The following MUC17 variants were observed in gnomAD, a reference collection of about 807,000 sequenced individuals.
MUC17 encodes the protein mucin-17.
A neutral mutation model predicts 170.3 loss-of-function variants in MUC17; 190 were observed. That is an observed-to-expected ratio of 1.12 (90% confidence interval 0.99 to 1.26). The LOEUF (loss-of-function observed/expected upper bound fraction) is 1.26. Among genes scored for constraint, MUC17 ranks in the 50% most tolerant of loss-of-function variants. The pLI is 0.00. For synonymous variants in MUC17, 2,325 were observed against 2,002.5 expected (o/e 1.16, Z -4.30); for missense variants, 6,415 against 5,530.0 (o/e 1.16, Z -5.08).
chr7:101,033,885 T>C lies in MUC17; in HGVS notation c.2469T>C (p.Ala823=). 6.2e-7 allele frequency: 1 copy of C among 1,613,544 alleles called. No individual in the cohort carries two copies. The highest frequency in any genetic ancestry group is 1.3e-5 in the African/African-American group (1 of 74,904). The change falls in exon 3 of 13, where the codon GCT becomes GCC. Residue 823 remains alanine (A), a synonymous_variant. Transcript: ENST00000306151. ...TCACACCGGTGACCAGTCCTGAGGC[T>C]AGCACCCTTTCAACAACTCCTGTTG... The part of the protein sequence containing the change: ...VSITPVTSPE[A]STLSTTPVDS...
intron 11 of MUC17, 61 bp from the exon 12 acceptor site, chr7:101,056,131 GGA>G: frequency 6.2e-7 from 1 of 1,607,950 alleles, no homozygotes. Context: ...GGGATTAAAG[GGA>G]GAGATGAAAG....
Position 101,042,994 on chromosome 7 carries a change from GA to G in MUC17, c.11580del (p.Val3861SerfsTer16). 6.2e-7 allele frequency: 1 copy of G among 1,614,072 alleles called. No homozygotes were observed. On this transcript the variant is annotated frameshift_variant, in exon 3 of 13. Transcript: ENST00000306151. LOFTEE classifies it high-confidence loss of function. ...AGCCGGTTCATTCTCCATACCTGCT[GA>G]AGTCACTACCATACGTATTTCAATT... The part of the protein sequence containing the change: ...TKAGSFSIPA[E>X]VTTIRISITS...
Position 101,043,497 on chromosome 7 carries a change from G to T in MUC17, c.12081G>T (p.Thr4027=), listed in dbSNP as rs776481661. The T allele has an allele frequency of 1.9e-6, 3 of 1,614,116 alleles. No individual in the cohort carries two copies. The highest frequency in any genetic ancestry group is 2.5e-6 in the Non-Finnish European group (3 of 1,180,020). The change falls in exon 3 of 13, where the codon ACG becomes ACT. Residue 4027 remains threonine (T), a synonymous_variant. Coordinates refer to ENST00000306151, the MANE Select transcript of MUC17 (RefSeq NM_001040105.2). ...TSRGCTTSAS[T]LSATSTPHTS... ...GAGGCTGCACTACTTCTGCATCAAC[G>T]CTTTCTGCAACCAGTACACCTCACA...
intron 11 of MUC17, among the ~76,000 whole-genome samples, chr7:101,054,335 G>T (rs906341509): frequency 1.3e-5 from 2 of 152,112 alleles, no homozygotes; most frequent in African/African-American, 4.8e-5. Flanking sequence ...CAGGGGAGTT[G>T]TACCTCAGTA....
In MUC17 at chr7:101,033,547, A is replaced by C. The variant is rs745736940; in HGVS notation, c.2131A>C (p.Thr711Pro). Residue 711 changes from threonine to proline, a missense_variant, in exon 3 of 13, where the codon ACT becomes CCT. Physicochemically the swap from Thr to Pro is conservative, Grantham distance 38. Coordinates refer to ENST00000306151, the MANE Select transcript of MUC17 (RefSeq NM_001040105.2). ...TTCTGAGGCTAGCACCCTTTCAACA[A>C]CTCCTGTTGACACCAGCACACCTGT... ...ASSEASTLST[T>P]PVDTSTPVTT... 1 of 1,613,822 alleles carries C rather than the reference A, an allele frequency of 6.2e-7. No homozygotes were observed. The highest frequency in any genetic ancestry group is 8.5e-7 in the Non-Finnish European group (1 of 1,179,938).
Position 101,040,139 on chromosome 7 carries a change from CT to C in MUC17, c.8725del (p.Ser2909LeufsTer18). The C allele has an allele frequency of 6.2e-7, 1 of 1,612,740 alleles. No homozygotes were observed. The highest frequency in any genetic ancestry group is 1.7e-5 in the Admixed American group (1 of 59,746). ...IPVTTSTEGS[S>X]SPTTAEGTSM... is the part of the protein sequence containing the mutation. ...GTCACCACTTCTACTGAAGGCAGTTCTTCTCCTACAACTGCTGAAGGTACCA... is the reference window on the plus strand; with the variant it reads ...GTCACCACTTCTACTGAAGGCAGTTCTCTCCTACAACTGCTGAAGGTACCA... On this transcript the variant is annotated frameshift_variant, in exon 3 of 13. Coordinates refer to ENST00000306151, the MANE Select transcript of MUC17 (RefSeq NM_001040105.2). LOFTEE classifies it high-confidence loss of function.
chr7:101,048,760 G>A, intron 4 of MUC17, 85 bp from the exon 5 acceptor site: 1 of 1,508,586 alleles, frequency 6.6e-7, no homozygotes, highest in Non-Finnish European at 9.1e-7. Context: ...ATACAATGGA[G>A]CTCACTCCCT....
In MUC17 at chr7:101,048,950, TC is replaced by T. The variant is rs1191741979; in HGVS notation, c.12642del (p.Phe4214LeufsTer9). On this transcript the variant is annotated frameshift_variant, in exon 5 of 13. Coordinates refer to ENST00000306151, the MANE Select transcript of MUC17 (RefSeq NM_001040105.2). LOFTEE classifies it high-confidence loss of function. ...CACTCTTCCCAGGAATTCCAGGAGT[TC>T]AAACAGACATTCACGGAACAGGTAA... The part of the protein sequence containing the change: ...KNHSSQEFQE[F>X]KQTFTEQMNI... The T allele has an allele frequency of 5.0e-6, 8 of 1,614,086 alleles. No homozygotes were observed. The highest frequency in any genetic ancestry group is 6.8e-6 in the Non-Finnish European group (8 of 1,180,014).
chr7:101,049,018 G>A, intron 5 of MUC17, 46 bp downstream of exon 5: 1 of 1,613,258 alleles, frequency 6.2e-7, no homozygotes, highest in Non-Finnish European at 8.5e-7. Flanking sequence ...GTTCCCCCCA[G>A]AGCAGAGTCT....
rs767018856 is a variant in MUC17 at position 101,042,787 on chromosome 7, G to C, written c.11371G>C (p.Gly3791Arg). ...CATGTCTATGACCACTGCCTCTGAA[G>C]GCAGTTCATCTCCTACAACTCTTGA... ...TSMSMTTASE[G>R]SSSPTTLEGT... Residue 3791 changes from glycine (G) to arginine (R), a missense_variant, in exon 3 of 13, where the codon GGC (glycine) becomes CGC (arginine). Transcript: ENST00000306151. The C allele has an allele frequency of 1.7e-5, 27 of 1,614,134 alleles. No individual in the cohort carries two copies. The highest frequency in any genetic ancestry group is 2.2e-5 in the East Asian group (1 of 44,890).
rs778895934 is a variant in MUC17 at position 101,033,271 on chromosome 7, A to C, written c.1855A>C (p.Met619Leu). 3 of 1,614,104 alleles carry C rather than the reference A, an allele frequency of 1.9e-6. No homozygotes were observed. In the Admixed American group the frequency reaches 5.0e-5, roughly 27 times the overall value. Reference protein sequence around the residue: ...SSSTTAEGTSMPTSTYSERGT... With the variant: ...SSSTTAEGTSLPTSTYSERGT... ...TTCTACAACTGCTGAAGGTACCAGCATGCCAACCTCAACTTACAGTGAAAG... is the reference window on the plus strand; with the variant it reads ...TTCTACAACTGCTGAAGGTACCAGCCTGCCAACCTCAACTTACAGTGAAAG... The change falls in exon 3 of 13, where the codon ATG (methionine) becomes CTG (leucine). Residue 619 changes from methionine (M) to leucine (L), a missense_variant. Coordinates refer to ENST00000306151, the MANE Select transcript of MUC17 (RefSeq NM_001040105.2).
At position 101,036,040 on chromosome 7, in the gene MUC17, A is replaced by T. The variant is rs1289429047; in HGVS notation, c.4624A>T (p.Ser1542Cys). ...NSLSTTPAVT[S>C]TPVTTYSQAS... ...CCTTTCAACAACTCCTGCTGTCACC[A>T]GCACACCTGTGACCACTTATTCTCA... Residue 1542 changes from serine (S) to cysteine (C), a missense_variant, in exon 3 of 13, where the codon AGC becomes TGC. Physicochemically the swap from Ser to Cys is moderately radical, Grantham distance 112. Transcript: ENST00000306151. 4 of 1,612,522 alleles carry T rather than the reference A, an allele frequency of 2.5e-6. No individual in the cohort carries two copies. The highest frequency in any genetic ancestry group is 1.7e-5 in the Admixed American group (1 of 59,920).
At position 101,035,118 on chromosome 7, in the gene MUC17, T is replaced by A. The variant is rs775138905; in HGVS notation, c.3702T>A (p.Ser1234=). 6.2e-7 allele frequency: 1 copy of A among 1,610,936 alleles called. No individual in the cohort carries two copies. Among genetic ancestry groups the A allele is most frequent in the African/African-American group, 1.3e-5 (1 of 74,608 alleles). The stretch of plus-strand genomic sequence containing the variant: ...TCAGACACACGCCAGTGGCCAGTTC[T>A]GAGGCTAGCACCCTTTCAACATCTC... ...MPVRHTPVAS[S]EASTLSTSPV... is the part of the protein sequence containing the mutation. Residue 1234 remains serine, a synonymous_variant, in exon 3 of 13, where the codon TCT becomes TCA. Transcript: ENST00000306151.
At chr7:101,057,311 T>G (rs1437152265) in intron 12 of MUC17, among the ~76,000 whole-genome samples, 1 of 152,206 alleles carries the variant, frequency 6.6e-6, no homozygotes, top group Admixed American at 6.5e-5. Context: ...TGTGAACGTC[T>G]TCAGGTGCTA....
Position 101,040,911 on chromosome 7 carries a change from A to C in MUC17, c.9495A>C (p.Pro3165=). 1 of 1,613,714 alleles carries C rather than the reference A, an allele frequency of 6.2e-7. No homozygotes were observed. The highest frequency in any genetic ancestry group is 1.3e-5 in the African/African-American group (1 of 74,820). Residue 3165 remains proline, a synonymous_variant, in exon 3 of 13, where the codon CCA becomes CCC. Transcript: ENST00000306151. The part of the protein sequence containing the change: ...PTSTPSEGST[P]LTYMPVSTML... ...CAACTCCTAGTGAAGGAAGTACTCC[A>C]TTAACATATATGCCTGTCAGCACCA...
chr7:101,022,224 T>A (rs1794104724), intron 1 of MUC17, among the ~76,000 whole-genome samples: 1 of 147,352 alleles, frequency 6.8e-6, no homozygotes, highest in Non-Finnish European at 1.5e-5. Context: ...TGGAGTGCGG[T>A]GGCGCCATCT....
In MUC17 at chr7:101,040,655, C is replaced by T; in HGVS notation, c.9239C>T (p.Ser3080Phe). Residue 3080 changes from serine (S) to phenylalanine (F), a missense_variant, in exon 3 of 13, where the codon TCT (serine) becomes TTT (phenylalanine). Transcript: ENST00000306151. ...GACTCCAACAGTCCTGTGGTCACTT[C>T]TACTGAAGTCAGTTCATCTCCTACA... ...PVDSNSPVVTSTEVSSSPTPA... is the reference protein window; with the variant it reads ...PVDSNSPVVTFTEVSSSPTPA... 1.2e-6 allele frequency: 2 copies of T among 1,612,938 alleles called. No individual in the cohort carries two copies.
In MUC17 at chr7:101,042,711, T is replaced by A. The variant is rs183471591; in HGVS notation, c.11295T>A (p.Val3765=). Reference sequence around the variant, plus strand: ...CTATTCTTGTCAGTACCACACCTGTTACGAGGTTTCCTGAGAGTAGCACCC... The same window carrying A: ...CTATTCTTGTCAGTACCACACCTGTAACGAGGTTTCCTGAGAGTAGCACCC... ...GTTILVSTTP[V]TRFPESSTPS... The change falls in exon 3 of 13, where the codon GTT becomes GTA. Residue 3765 remains valine (V), a synonymous_variant. Coordinates refer to ENST00000306151, the MANE Select transcript of MUC17 (RefSeq NM_001040105.2). 1.2e-6 allele frequency: 2 copies of A among 1,613,818 alleles called. No individual in the cohort carries two copies. The highest frequency in any genetic ancestry group is 1.7e-5 in the Admixed American group (1 of 60,026).
Position 101,047,787 on chromosome 7 carries a change from C to T in MUC17, c.12404-197C>T, listed in dbSNP as rs549020617. ...TGGAGGTTGCAGTGAGCCAAGATCG[C>T]GCCATTGCACTCCAGCCTGGGTGAC... On this transcript the variant is annotated intron_variant, in intron 3 of 12. Transcript: ENST00000306151. Among the ~76,000 whole-genome samples, 21 of 152,200 alleles carry T rather than the reference C, an allele frequency of 1.4e-4. No homozygotes were observed. The South Asian group carries it at 2.7e-3, about 20-fold the overall frequency.
Sources: allele counts gnomAD v4.1 joint callset (sites outside exome capture counted in the v4.1 genomes callset), GRCh38; gene constraint gnomAD v4.1.1; transcripts MANE v1.5; gene names NCBI Gene and HGNC (gene_info 2026-07-23, HGNC 2026-07-21).